The following PTPRN2 variants were observed in gnomAD, a reference collection of about 807,000 sequenced individuals.
The protein encoded by PTPRN2 is protein tyrosine phosphatase receptor type N2.
PTPRN2 carries 74 observed loss-of-function variants against 118.8 expected under a neutral mutation model. The ratio of observed to expected loss-of-function variants is 0.62; its 90% CI spans 0.52 to 0.76. The LOEUF is 0.76. Ranked by LOEUF, PTPRN2 falls within the 30% of genes least tolerant of loss-of-function variation. PTPRN2 has a pLI of 0.00. For synonymous variants in PTPRN2, 641 were observed against 608.0 expected (o/e 1.05, Z -0.80); for missense variants, 1,481 against 1,394.4 (o/e 1.06, Z -0.99).
intron 2 of PTPRN2, among the ~76,000 whole-genome samples, chr7:158,323,700 A>G (rs1300996934): frequency 6.6e-6 from 1 of 152,164 alleles, no homozygotes; most frequent in African/African-American, 2.4e-5. Context: ...CCCACAGGCC[A>G]AAGTAATTTC....
At chr7:158,472,650 A>G (rs1819943752) in intron 2 of PTPRN2, among the ~76,000 whole-genome samples, 1 of 152,226 alleles carries the variant, frequency 6.6e-6, no homozygotes, top group African/African-American at 2.4e-5. Flanking sequence ...CCCATCAGTT[A>G]GAGGGAAATC....
At chr7:157,703,310 G>T (rs936661482) in intron 12 of PTPRN2, among the ~76,000 whole-genome samples, 3 of 152,198 alleles carry the variant, frequency 2.0e-5, no homozygotes, top group African/African-American at 7.2e-5. Context: ...GATGTCTGCT[G>T]CCAGGTGGTG....
At chr7:158,494,292 C>G (rs1821669791) in intron 1 of PTPRN2, among the ~76,000 whole-genome samples, 1 of 152,378 alleles carries the variant, frequency 6.6e-6, no homozygotes, top group South Asian at 2.1e-4. Flanking sequence ...ATCCATGGCC[C>G]CTGCCCAACC....
At chr7:158,170,325 G>A (rs879372533) in intron 5 of PTPRN2, among the ~76,000 whole-genome samples, 15 of 152,062 alleles carry the variant, frequency 9.9e-5, no homozygotes, top group African/African-American at 1.9e-4. Flanking sequence ...CAAATCCCTC[G>A]TTATGTGCCT....
At chr7:158,164,499 C>T (rs1405429539) in intron 6 of PTPRN2, among the ~76,000 whole-genome samples, 3 of 145,438 alleles carry the variant, frequency 2.1e-5, no homozygotes, top group African/African-American at 7.8e-5. Flanking sequence ...AGAGCGGGAG[C>T]GCGCGCGTAG....
intron 11 of PTPRN2, among the ~76,000 whole-genome samples, chr7:158,076,177 G>A (rs973860997): frequency 1.2e-4 from 19 of 152,352 alleles, no homozygotes; most frequent in Admixed American, 1.0e-3. Flanking sequence ...TAATAAGAGT[G>A]CAACTTCCCT....
intron 12 of PTPRN2, among the ~76,000 whole-genome samples, chr7:157,815,763 A>G (rs935668230): frequency 1.3e-5 from 2 of 152,156 alleles, no homozygotes; most frequent in African/African-American, 2.4e-5. Context: ...GCCTGCCATG[A>G]GCTGGGGCGC....
In PTPRN2 at chr7:158,424,345, G is replaced by A. The variant is rs1815508784; in HGVS notation, c.163+65390C>T. Among the ~76,000 whole-genome samples, 3 of 152,356 alleles carry A rather than the reference G, an allele frequency of 2.0e-5. No individual in the cohort carries two copies. In the South Asian group the frequency reaches 6.2e-4, roughly 32 times the overall value. ...AGCTGTAATGGAATTCCGTCAAGGA[G>A]CAAAGCGAGGCGTTTTCAGAAACTC... is the stretch of plus-strand genomic sequence containing the variant. On this transcript the variant is annotated intron_variant, in intron 2 of 22. Coordinates refer to ENST00000389418, the MANE Select transcript of PTPRN2 (RefSeq NM_002847.5).
chr7:158,158,923 C>T (rs1251204076), intron 6 of PTPRN2, among the ~76,000 whole-genome samples: 4 of 31,648 alleles, frequency 1.3e-4, no homozygotes, highest in Non-Finnish European at 1.9e-4. Flanking sequence ...GCCGGGACTT[C>T]GCAAGGGCTT....
rs1235978908 is a variant in PTPRN2 at position 157,918,202 on chromosome 7, G to A, written c.1724-19465C>T. ...AGCTGAACCAGGCCTTCACCTCCCC[G>A]TTTATAAAATGTGGGAGAAATGAGG... On this transcript the variant is annotated intron_variant, in intron 11 of 22. Transcript: ENST00000389418. 3.3e-5 allele frequency among the ~76,000 whole-genome samples: 5 copies of A among 152,240 alleles called. No individual in the cohort carries two copies. In the South Asian group the frequency reaches 6.2e-4, roughly 19 times the overall value.
In PTPRN2 at chr7:157,831,380, G is replaced by A. The variant is rs1291767630; in HGVS notation, c.1788+67293C>T. Among the ~76,000 whole-genome samples, 1 of 152,222 alleles carries A rather than the reference G, an allele frequency of 6.6e-6. No homozygotes were observed. The highest frequency in any genetic ancestry group is 2.4e-5 in the African/African-American group (1 of 41,450). On this transcript the variant is annotated intron_variant, in intron 12 of 22. Transcript: ENST00000389418. This position sits in a 1 kb window ranked among gnomAD's most constrained non-coding sequence, Gnocchi z 4.8. ...AAGCCTTCTCTCGTTGGGGTTTTCTGTTATTTCTTCCCGAAGCATCTTAAC... is the reference window on the plus strand; with the variant it reads ...AAGCCTTCTCTCGTTGGGGTTTTCTATTATTTCTTCCCGAAGCATCTTAAC...
rs1329614870 is a variant in PTPRN2 at position 158,570,516 on chromosome 7, G to A, written c.112+17042C>T. The stretch of plus-strand genomic sequence containing the variant: ...GACCCCTCAACTGACGCGTCTCCCC[G>A]TGGTGGGTCCCGATCCCCCGGCCGG... On this transcript the variant is annotated intron_variant, in intron 1 of 22. Coordinates refer to ENST00000389418, the MANE Select transcript of PTPRN2 (RefSeq NM_002847.5). This position sits in a 1 kb window ranked among gnomAD's most constrained non-coding sequence, Gnocchi z 4.5. Among the ~76,000 whole-genome samples the A allele has an allele frequency of 6.6e-6, 1 of 152,056 alleles. No homozygotes were observed. The highest frequency in any genetic ancestry group is 1.9e-4 in the East Asian group (1 of 5,168).
intron 13 of PTPRN2, among the ~76,000 whole-genome samples, chr7:157,658,438 C>T (rs573878068): frequency 1.3e-5 from 2 of 152,304 alleles, no homozygotes; most frequent in African/African-American, 4.8e-5. Context: ...CAACATTACA[C>T]CCCAAGACAG....
chr7:158,102,132 C>T (rs1815278330), intron 10 of PTPRN2, among the ~76,000 whole-genome samples: 1 of 152,194 alleles, frequency 6.6e-6, no homozygotes. Context: ...CCCACGCCTT[C>T]ACCCTGGAGC....
At chr7:157,892,111 C>T (rs535478091) in intron 12 of PTPRN2, among the ~76,000 whole-genome samples, 99 of 151,048 alleles carry the variant, frequency 6.6e-4, no homozygotes, top group African/African-American at 2.3e-3. Context: ...TCTATCACGA[C>T]GCTTAGAAGC....
chr7:158,204,695 CATTACCACATCGTTTGTATGACATTAGTA>C (rs1826978089), intron 4 of PTPRN2, among the ~76,000 whole-genome samples: 1 of 152,102 alleles, frequency 6.6e-6, no homozygotes, highest in African/African-American at 2.4e-5. Flanking sequence ...GTATGTATGA[CATTACCACATCGTTTGTATGACATTAGTA>C]ATTACCACAT....
intron 12 of PTPRN2, among the ~76,000 whole-genome samples, chr7:157,853,303 T>A (rs1169450382): frequency 6.6e-6 from 1 of 152,114 alleles, no homozygotes; most frequent in East Asian, 1.9e-4. Flanking sequence ...GCCTGTGGCA[T>A]GGGGTAACTT....
At chr7:158,426,334 G>A (rs375674818) in intron 2 of PTPRN2, among the ~76,000 whole-genome samples, 4 of 884 alleles carry the variant, frequency 4.5e-3, no homozygotes, top group African/African-American at 0.024. Flanking sequence ...AGCCTAGCTG[G>A]GGCCTGCGCA....
chr7:158,054,994 C>T (rs753953207), intron 11 of PTPRN2, among the ~76,000 whole-genome samples: 18 of 152,178 alleles, frequency 1.2e-4, no homozygotes, highest in Non-Finnish European at 1.9e-4. Flanking sequence ...GAGCTGTGGG[C>T]GGTAAGCCAC....
Sources: gnomAD v4.1 joint callset for allele counts (sites outside exome capture counted in the v4.1 genomes callset) on GRCh38, gnomAD v4.1.1 for gene constraint, Gnocchi (gnomAD v3.1) non-coding constraint, MANE v1.5 for transcripts, NCBI Gene and HGNC (gene_info 2026-07-23, HGNC 2026-07-21) for gene names.